The following RCAN2 variants were observed in gnomAD, a reference collection of about 807,000 sequenced individuals.
RCAN2 encodes calcipressin-2.
In RCAN2, 9 loss-of-function variants were observed where a neutral mutation model predicts 23.6. That is an observed-to-expected ratio of 0.38 (90% confidence interval 0.23 to 0.67). RCAN2 has a LOEUF of 0.67. Among genes scored for constraint, RCAN2 ranks in the 30% least tolerant of loss-of-function variants. The pLI, the probability that RCAN2 is intolerant of heterozygous loss-of-function variation, is 0.51. For synonymous variants in RCAN2, 109 were observed against 115.7 expected (o/e 0.94, Z 0.37); for missense variants, 273 against 302.3 (o/e 0.90, Z 0.72).
chr6:46,225,372 A>T (rs1360886997), intron 4 of RCAN2, among the ~76,000 whole-genome samples: 3 of 152,192 alleles, frequency 2.0e-5, no homozygotes, highest in East Asian at 3.9e-4. Flanking sequence ...TCTTCCACAA[A>T]GGCTGAACTA....
chr6:46,402,498 A>C (rs1383813599), intron 2 of RCAN2, among the ~76,000 whole-genome samples: 1 of 152,088 alleles, frequency 6.6e-6, no homozygotes, highest in African/African-American at 2.4e-5. Flanking sequence ...ATAAAACCTA[A>C]AAATATTACT....
intron 2 of RCAN2, among the ~76,000 whole-genome samples, chr6:46,360,953 C>A (rs566177456): frequency 6.6e-6 from 1 of 152,234 alleles, no homozygotes; most frequent in East Asian, 1.9e-4. Flanking sequence ...TTCTCCCTAC[C>A]CCCATGTATG....
chr6:46,376,054 T>A (rs1765451296), intron 2 of RCAN2, among the ~76,000 whole-genome samples: 1 of 152,198 alleles, frequency 6.6e-6, no homozygotes, highest in South Asian at 2.1e-4. Flanking sequence ...CTGGAATAGG[T>A]ATCAATTCCT....
At chr6:46,281,112 G>A (rs903111717) in intron 2 of RCAN2, among the ~76,000 whole-genome samples, 3 of 152,158 alleles carry the variant, frequency 2.0e-5, no homozygotes, top group African/African-American at 7.2e-5. Context: ...GAGGTTTGGG[G>A]TAGAGTGAGG....
At chr6:46,361,364 G>A (rs1375421233) in intron 2 of RCAN2, among the ~76,000 whole-genome samples, 1 of 152,154 alleles carries the variant, frequency 6.6e-6, no homozygotes, top group African/African-American at 2.4e-5. Flanking sequence ...GCCACACTGG[G>A]CTTCCATAAT....
intron 4 of RCAN2, among the ~76,000 whole-genome samples, chr6:46,224,259 T>C (rs1409039902): frequency 6.6e-6 from 1 of 152,210 alleles, no homozygotes. Context: ...ACTTCATTGT[T>C]GACATACTAA....
chr6:46,412,168 A>G (rs1222360279), intron 2 of RCAN2, among the ~76,000 whole-genome samples: 5 of 151,934 alleles, frequency 3.3e-5, no homozygotes, highest in Non-Finnish European at 7.4e-5. Flanking sequence ...TTGTATATGG[A>G]TTATATATTA....
intron 1 of RCAN2, among the ~76,000 whole-genome samples, chr6:46,466,143 C>G (rs887091395): frequency 2.6e-5 from 4 of 152,192 alleles, no homozygotes; most frequent in East Asian, 1.9e-4. Flanking sequence ...AGGCCCAAAG[C>G]CTCTGGAAGA....
chr6:46,321,937 C>G (rs1301098592), intron 2 of RCAN2, among the ~76,000 whole-genome samples: 1 of 152,174 alleles, frequency 6.6e-6, no homozygotes, highest in African/African-American at 2.4e-5. Context: ...CTCACCTGTA[C>G]CTACTTGTGC....
chr6:46,428,500 C>T (rs1767097874), intron 2 of RCAN2, among the ~76,000 whole-genome samples: 1 of 152,214 alleles, frequency 6.6e-6, no homozygotes. Flanking sequence ...TAAATATCTG[C>T]TAAATGAATA....
At chr6:46,465,905 G>A (rs954584257) in intron 1 of RCAN2, among the ~76,000 whole-genome samples, 8 of 152,174 alleles carry the variant, frequency 5.3e-5, no homozygotes, top group African/African-American at 1.7e-4. Flanking sequence ...TTTTGAAAAC[G>A]TACAGCTGAG....
chr6:46,417,884 A>T (rs1020037406), intron 2 of RCAN2, among the ~76,000 whole-genome samples: 1 of 152,228 alleles, frequency 6.6e-6, no homozygotes, highest in Non-Finnish European at 1.5e-5. Flanking sequence ...TTAATTGCAG[A>T]AGCTATTAGA....
At chr6:46,460,323 A>G (rs1768171496) in intron 1 of RCAN2, among the ~76,000 whole-genome samples, 1 of 152,156 alleles carries the variant, frequency 6.6e-6, no homozygotes, top group Admixed American at 6.5e-5. Context: ...TGGTTTCACA[A>G]AGTGCTGGGA....
In RCAN2 at chr6:46,483,293, G is replaced by T. The variant is rs73457915; in HGVS notation, c.-3+7880C>A. ...AGAGGAGCCACAGGAAGCTCTTCAG[G>T]TTTACCATTCCATCTCACCTCCACC... On this transcript the variant is annotated intron_variant, in intron 1 of 4. Transcript: ENST00000371374. Among the ~76,000 whole-genome samples, 760 of 152,240 alleles carry T rather than the reference G, an allele frequency of 5.0e-3. 11 individuals are homozygous for T. Among genetic ancestry groups the T allele is most frequent in the African/African-American group, 0.017 (722 of 41,532 alleles).
At chr6:46,456,129 G>A (rs1768020759) in intron 2 of RCAN2, among the ~76,000 whole-genome samples, 2 of 152,116 alleles carry the variant, frequency 1.3e-5, no homozygotes, top group Admixed American at 1.3e-4. Context: ...ATGGGAAGCT[G>A]GAAAATGTTA....
At chr6:46,425,655 C>T (rs1767010144) in intron 2 of RCAN2, among the ~76,000 whole-genome samples, 1 of 152,062 alleles carries the variant, frequency 6.6e-6, no homozygotes, top group African/African-American at 2.4e-5. Context: ...CAGTTTGGAA[C>T]TACATAAAAT....
At chr6:46,346,163 A>T (rs892369470) in intron 2 of RCAN2, among the ~76,000 whole-genome samples, 1 of 152,158 alleles carries the variant, frequency 6.6e-6, no homozygotes. Context: ...CTAAAAGGAA[A>T]TTTTAAAAAT....
chr6:46,306,666 G>A (rs1021479086), intron 2 of RCAN2, among the ~76,000 whole-genome samples: 26 of 151,998 alleles, frequency 1.7e-4, no homozygotes, highest in African/African-American at 6.3e-4. Flanking sequence ...GTATGTATGA[G>A]CTCTATTTTG....
chr6:46,445,162 A>G (rs1217419003), intron 2 of RCAN2, among the ~76,000 whole-genome samples: 1 of 152,240 alleles, frequency 6.6e-6, no homozygotes, highest in East Asian at 1.9e-4. Flanking sequence ...GCACCAGGTC[A>G]GCCTCTATAA....
Sources: allele counts gnomAD v4.1 joint callset (sites outside exome capture counted in the v4.1 genomes callset), GRCh38; gene constraint gnomAD v4.1.1; transcripts MANE v1.5; gene names NCBI Gene and HGNC (gene_info 2026-07-23, HGNC 2026-07-21).